The following UBXN7 variants were observed in gnomAD, a reference collection of about 807,000 sequenced individuals.
The protein encoded by UBXN7 is UBX domain-containing protein 7.
In UBXN7, 9 loss-of-function variants were observed where a neutral mutation model predicts 58.0. The ratio of observed to expected loss-of-function variants is 0.16; its 90% CI spans 0.09 to 0.27. UBXN7 has a LOEUF of 0.27. Among genes scored for constraint, UBXN7 ranks in the 10% least tolerant of loss-of-function variants. UBXN7 has a pLI of 1.00. For synonymous variants in UBXN7, 208 were observed against 205.0 expected (o/e 1.01, Z -0.12); for missense variants, 328 against 599.6 (o/e 0.55, Z 4.73).
In UBXN7 at chr3:196,361,472, A is replaced by G. The variant is rs144027348; in HGVS notation, c.1308+372T>C. Among the ~76,000 whole-genome samples the G allele has an allele frequency of 5.3e-3, 800 of 152,324 alleles. 6 individuals carry two copies. Among genetic ancestry groups the G allele is most frequent in the African/African-American group, 0.019 (779 of 41,564 alleles). ...AAAGAAGTTCTACTGTGGGTAAAATACTATCAAACGGCAGCACATGCTACA... is the reference window on the plus strand; with the variant it reads ...AAAGAAGTTCTACTGTGGGTAAAATGCTATCAAACGGCAGCACATGCTACA... On this transcript the variant is annotated intron_variant, in intron 10 of 10. Coordinates refer to ENST00000296328, the MANE Select transcript of UBXN7 (RefSeq NM_015562.2).
rs1173712125 is a variant in UBXN7, at chr3:196,355,479, C to T, written c.*1206G>A. On this transcript the variant is annotated 3_prime_UTR_variant, in exon 11 of 11. Transcript: ENST00000296328. ...GAAAATTACTAGTAACCTCCGCCAT[C>T]CTCCTTACTAAATGTTGTCTTCTGA... 6.6e-6 allele frequency: 1 copy of T among 152,174 alleles called. No homozygotes were observed. Among genetic ancestry groups the T allele is most frequent in the Non-Finnish European group, 1.5e-5 (1 of 68,030 alleles). 9.4% of individuals were successfully genotyped at this position (152,174 alleles called of 1,614,324 possible).
At chr3:196,388,751 T>C (rs1482929118) in intron 5 of UBXN7, among the ~76,000 whole-genome samples, 1 of 152,220 alleles carries the variant, frequency 6.6e-6, no homozygotes, top group Non-Finnish European at 1.5e-5. Flanking sequence ...AGAGTATCCC[T>C]CTAATTTTTA....
intron 3 of UBXN7, among the ~76,000 whole-genome samples, chr3:196,401,248 CAAA>C (rs35766312): frequency 3.5e-3 from 8 of 2,260 alleles, no homozygotes; most frequent in African/African-American, 0.011. Context: ...CCCGTCTCTC[CAAA>C]AAAAAAAAAA....
rs1465868930 is a variant in UBXN7, at chr3:196,351,063, G to C, written c.*5622C>G. The C allele has an allele frequency of 6.6e-6, 1 of 152,188 alleles. No individual in the cohort carries two copies. The allele number at this position is 152,188 out of a possible 1,614,324, so 9.4% of individuals were successfully genotyped here. ...AGCCTGCACCCCATGATTTACTACTGCGTAGTTACATGATGGTCAAAAAAG... is the reference window on the plus strand; with the variant it reads ...AGCCTGCACCCCATGATTTACTACTCCGTAGTTACATGATGGTCAAAAAAG... On this transcript the variant is annotated 3_prime_UTR_variant, in exon 11 of 11. Coordinates refer to ENST00000296328, the MANE Select transcript of UBXN7 (RefSeq NM_015562.2).
In UBXN7 at chr3:196,403,009, G is replaced by T; in HGVS notation, c.232C>A (p.Arg78Ser). 2 of 1,589,972 alleles carry T rather than the reference G, an allele frequency of 1.3e-6. No individual in the cohort carries two copies. Among genetic ancestry groups the T allele is most frequent in the South Asian group, 1.2e-5 (1 of 85,640 alleles). The change falls in exon 3 of 11, where the codon CGT (arginine) becomes AGT (serine). Residue 78 changes from arginine to serine, a missense_variant. By Grantham distance (110) the Arg-to-Ser change is moderately radical. Around this residue, in one of 4 missense-constraint regions of UBXN7, gnomAD observed 106 missense variants for 124.3 expected, o/e 0.85. Transcript: ENST00000296328. ...TVRPHTEEEV[R>S]APIPQKQEIL... ...TCCTGCTTTTGAGGAATTGGGGCAC[G>T]AACTTCTTCTCTATTAAAAAAAAAT... is the stretch of plus-strand genomic sequence containing the variant.
At chr3:196,393,690 C>T in intron 3 of UBXN7, 71 bp from the exon 4 acceptor site, 1 of 1,454,218 alleles carries the variant, frequency 6.9e-7, no homozygotes. Flanking sequence ...ATGTCCTTAT[C>T]TAAAAGTATT....
intron 5 of UBXN7, among the ~76,000 whole-genome samples, chr3:196,385,909 T>C (rs1358875665): frequency 6.6e-6 from 1 of 152,140 alleles, no homozygotes; most frequent in East Asian, 1.9e-4. Context: ...CGGGCCATGA[T>C]GACGATGGTG....
intron 5 of UBXN7, among the ~76,000 whole-genome samples, chr3:196,380,982 T>C (rs1253224961): frequency 6.6e-6 from 1 of 152,136 alleles, no homozygotes; most frequent in Non-Finnish European, 1.5e-5. Context: ...GCTGGGAAGC[T>C]TGAACTGGGC....
chr3:196,405,364 G>A (rs1730128504), intron 2 of UBXN7, among the ~76,000 whole-genome samples: 1 of 151,402 alleles, frequency 6.6e-6, no homozygotes, highest in African/African-American at 2.4e-5. Flanking sequence ...CAGCTACTTA[G>A]GAGGCTGAGG....
chr3:196,379,619 G>A (rs1439620466), intron 5 of UBXN7, among the ~76,000 whole-genome samples: 2 of 152,204 alleles, frequency 1.3e-5, no homozygotes, highest in African/African-American at 4.8e-5. Context: ...TCAGAGTAGA[G>A]AGGACCTCAG....
intron 5 of UBXN7, among the ~76,000 whole-genome samples, chr3:196,380,972 GCTGGGAAGCTTGAA>G (rs1468292680): frequency 2.7e-4 from 41 of 152,366 alleles, no homozygotes; most frequent in Non-Finnish European, 5.3e-4. Context: ...AAACAAAGCG[GCTGGGAAGCTTGAA>G]CTGGGCAGAG....
intron 5 of UBXN7, among the ~76,000 whole-genome samples, chr3:196,374,923 G>GGGGAGGGGAAGGGAA (rs1560223201): frequency 1.4e-4 from 1 of 7,366 alleles, no homozygotes; most frequent in East Asian, 0.012. Context: ...GGGAGGGGGA[G>GGGGAGGGGAAGGGAA]GGGAAGGGAA....
chr3:196,430,864 A>G (rs1731008830), intron 1 of UBXN7, among the ~76,000 whole-genome samples: 1 of 152,178 alleles, frequency 6.6e-6, no homozygotes, highest in Admixed American at 6.5e-5. Flanking sequence ...AATCCTTTAC[A>G]TATTTAATAT....
chr3:196,399,465 C>G (rs1002259867), intron 3 of UBXN7, among the ~76,000 whole-genome samples: 2 of 151,992 alleles, frequency 1.3e-5, no homozygotes, highest in African/African-American at 4.8e-5. Context: ...TAGACAGGGC[C>G]TCACTCTGTT....
At position 196,403,014 on chromosome 3, in the gene UBXN7, T is replaced by A; in HGVS notation, c.227A>T (p.Glu76Val). 6.3e-7 allele frequency: 1 copy of A among 1,589,930 alleles called. No homozygotes were observed. The highest frequency in any genetic ancestry group is 8.5e-7 in the Non-Finnish European group (1 of 1,174,698). Reference sequence around the variant, plus strand: ...CTTTTGAGGAATTGGGGCACGAACTTCTTCTCTATTAAAAAAAAATGGGAA... The same window carrying A: ...CTTTTGAGGAATTGGGGCACGAACTACTTCTCTATTAAAAAAAAATGGGAA... ...VSTVRPHTEE[E>V]VRAPIPQKQE... Residue 76 changes from glutamate to valine, a missense_variant, in exon 3 of 11, where the codon GAA (glutamate) becomes GTA (valine). Physicochemically the swap from Glu to Val is moderately radical, Grantham distance 121. Coordinates refer to ENST00000296328, the MANE Select transcript of UBXN7 (RefSeq NM_015562.2).
intron 1 of UBXN7, among the ~76,000 whole-genome samples, chr3:196,421,748 C>T (rs1379757758): frequency 4.0e-5 from 6 of 150,384 alleles, no homozygotes; most frequent in African/African-American, 7.4e-5. Flanking sequence ...CTGCACTCCA[C>T]CCTGGCAACA....
intron 1 of UBXN7, among the ~76,000 whole-genome samples, chr3:196,421,904 T>TA (rs1237812958): frequency 6.6e-6 from 1 of 151,602 alleles, no homozygotes; most frequent in Admixed American, 6.6e-5. Flanking sequence ...GAAATGGCTT[T>TA]AAAAAAAACA....
chr3:196,383,100 A>G (rs1462538992), intron 5 of UBXN7, among the ~76,000 whole-genome samples: 1 of 151,476 alleles, frequency 6.6e-6, no homozygotes, highest in Non-Finnish European at 1.5e-5. Flanking sequence ...TGGGCCACAA[A>G]GCAAGACTCC....
At chr3:196,384,748 CA>C in intron 5 of UBXN7, among the ~76,000 whole-genome samples, 1 of 152,286 alleles carries the variant, frequency 6.6e-6, no homozygotes. Flanking sequence ...CAAAATTCAA[CA>C]GCCCTTCACG....
Sources: gnomAD v4.1 joint callset for allele counts (sites outside exome capture counted in the v4.1 genomes callset) on GRCh38, gnomAD v4.1.1 for gene constraint, gnomAD v4.1.1 regional missense constraint, MANE v1.5 for transcripts, NCBI Gene and HGNC (gene_info 2026-07-23, HGNC 2026-07-21) for gene names.